CNTNAP5: variants seen among roughly 807,000 people sequenced by gnomAD.
The protein encoded by CNTNAP5 is contactin-associated protein-like 5.
Under a neutral mutation model 150.2 loss-of-function variants are expected in CNTNAP5, and 72 were observed. The ratio of observed to expected loss-of-function variants is 0.48; its 90% confidence interval spans 0.40 to 0.58. The LOEUF is 0.58. Ranked by LOEUF, CNTNAP5 falls within the 20% of genes least tolerant of loss-of-function variation. The pLI is 0.00. For missense variants in CNTNAP5, 1,636 were observed against 1,626.2 expected (o/e 1.01, Z -0.10); for synonymous variants, 672 against 619.8 (o/e 1.08, Z -1.25).
In CNTNAP5 at chr2:124,194,756, T is replaced by A. The variant is rs567827678; in HGVS notation, c.83-26949T>A. ...ATATTATAGGTAACATTACACATAA[T>A]GTAGTAACAATATATAATACAACTA... On this transcript the variant is annotated intron_variant, in intron 1 of 23. Coordinates refer to ENST00000682447, the MANE Select transcript of CNTNAP5 (RefSeq NM_001367498.1). 1.8e-3 allele frequency among the ~76,000 whole-genome samples: 273 copies of A among 151,296 alleles called. 1 individual carries two copies. Among genetic ancestry groups the A allele is most frequent in the African/African-American group, 6.4e-3 (267 of 41,426 alleles).
At chr2:124,735,762 T>G (rs1680368800) in intron 13 of CNTNAP5, among the ~76,000 whole-genome samples, 1 of 152,206 alleles carries the variant, frequency 6.6e-6, no homozygotes, top group African/African-American at 2.4e-5. Context: ...GGGAATTTGC[T>G]AATCCATTGT....
intron 1 of CNTNAP5, among the ~76,000 whole-genome samples, chr2:124,051,771 A>G (rs1028612086): frequency 1.3e-5 from 2 of 152,176 alleles, no homozygotes; most frequent in African/African-American, 4.8e-5. Context: ...GTCAAGTGAG[A>G]CATACAGTTT....
chr2:124,232,446 A>G (rs1212835993), intron 2 of CNTNAP5, among the ~76,000 whole-genome samples: 3 of 152,258 alleles, frequency 2.0e-5, no homozygotes, highest in African/African-American at 7.2e-5. Flanking sequence ...CATTGTGGAC[A>G]TGTCCTTAAA....
At chr2:124,554,349 G>T (rs964785784) in intron 10 of CNTNAP5, among the ~76,000 whole-genome samples, 3 of 151,184 alleles carry the variant, frequency 2.0e-5, no homozygotes, top group African/African-American at 7.3e-5. Context: ...TAACTTAAAT[G>T]AACTTCTTTC....
chr2:124,512,129 G>A (rs968325700), intron 8 of CNTNAP5, among the ~76,000 whole-genome samples: 22 of 151,716 alleles, frequency 1.5e-4, no homozygotes, highest in African/African-American at 3.9e-4. Context: ...CTGTGGGACC[G>A]GCTTTCTTAT....
intron 1 of CNTNAP5, among the ~76,000 whole-genome samples, chr2:124,108,076 A>C (rs983906010): frequency 4.6e-5 from 7 of 152,214 alleles, no homozygotes; most frequent in African/African-American, 1.7e-4. Flanking sequence ...TCAGATATGC[A>C]TTTGTCTCAG....
rs560331989 is a variant in CNTNAP5, at chr2:124,678,620, G to A, written c.2077+30662G>A. On this transcript the variant is annotated intron_variant, in intron 13 of 23. Transcript: ENST00000682447. ...GCTGACTGGCCCAAAAAGGATTCCC[G>A]AGGTGAGGGTAGAAAAGTGGGAACT... is the stretch of plus-strand genomic sequence containing the variant. 4.6e-5 allele frequency among the ~76,000 whole-genome samples: 7 copies of A among 151,858 alleles called. No homozygotes were observed. The East Asian group carries it at 7.8e-4, about 17-fold the overall frequency.
At chr2:124,709,885 T>C (rs1679770292) in intron 13 of CNTNAP5, among the ~76,000 whole-genome samples, 1 of 152,200 alleles carries the variant, frequency 6.6e-6, no homozygotes, top group Admixed American at 6.6e-5. Context: ...TTCAGCTAAC[T>C]TTTCTTAAGA....
chr2:124,138,130 C>T (rs567925740), intron 1 of CNTNAP5, among the ~76,000 whole-genome samples: 11 of 152,196 alleles, frequency 7.2e-5, no homozygotes, highest in East Asian at 3.9e-4. Context: ...CAGTTGAGGC[C>T]GACCTCCTCT....
chr2:124,648,756 A>T (rs1678258416), intron 13 of CNTNAP5, among the ~76,000 whole-genome samples: 1 of 152,214 alleles, frequency 6.6e-6, no homozygotes, highest in African/African-American at 2.4e-5. Context: ...CCTGGGAGTC[A>T]GTCATTTTTT....
At chr2:124,198,660 T>G (rs1685647867) in intron 1 of CNTNAP5, among the ~76,000 whole-genome samples, 1 of 152,200 alleles carries the variant, frequency 6.6e-6, no homozygotes, top group Non-Finnish European at 1.5e-5. Flanking sequence ...ATAGGGGAAT[T>G]AGTCCATTAT....
At chr2:124,590,102 C>T (rs189282712) in intron 11 of CNTNAP5, among the ~76,000 whole-genome samples, 36 of 152,180 alleles carry the variant, frequency 2.4e-4, no homozygotes, top group African/African-American at 8.2e-4. Flanking sequence ...CTTCTACCAA[C>T]GGATGATATA....
intron 6 of CNTNAP5, 37 bp downstream of exon 6, chr2:124,446,974 T>C (rs1187892525): frequency 1.3e-6 from 2 of 1,585,424 alleles, no homozygotes; most frequent in South Asian, 1.1e-5. Context: ...CCTCGGCCCC[T>C]TGCTTCAATG....
At chr2:124,075,943 G>A (rs534384188) in intron 1 of CNTNAP5, among the ~76,000 whole-genome samples, 1 of 152,222 alleles carries the variant, frequency 6.6e-6, no homozygotes, top group Non-Finnish European at 1.5e-5. Context: ...TACCTAAACT[G>A]TGATAAGTAA....
At chr2:124,622,119 G>A (rs928161742) in intron 12 of CNTNAP5, among the ~76,000 whole-genome samples, 18 of 140,648 alleles carry the variant, frequency 1.3e-4, no homozygotes, top group African/African-American at 2.8e-4. Context: ...TCCCACCCCC[G>A]AACCCCCACC....
chr2:124,232,994 C>G (rs1686661814), intron 2 of CNTNAP5, among the ~76,000 whole-genome samples: 1 of 149,880 alleles, frequency 6.7e-6, no homozygotes, highest in African/African-American at 2.4e-5. Context: ...CCCTATAATA[C>G]TTTATTAAGC....
At chr2:124,354,327 G>A (rs1689947400) in intron 3 of CNTNAP5, among the ~76,000 whole-genome samples, 1 of 152,104 alleles carries the variant, frequency 6.6e-6, no homozygotes, top group Non-Finnish European at 1.5e-5. Context: ...ACAGTGATTT[G>A]GGATCTTTAG....
intron 13 of CNTNAP5, among the ~76,000 whole-genome samples, chr2:124,716,991 G>A (rs76785598): frequency 0.04 from 6,092 of 151,996 alleles, 182 homozygotes; most frequent in Non-Finnish European, 0.05. Flanking sequence ...TAAATATCCC[G>A]GGTGCTTATC....
rs1678759912 is a variant in CNTNAP5, at chr2:124,915,955, T to C, written c.*1667T>C. 6.6e-6 allele frequency among the ~76,000 whole-genome samples: 1 copy of C among 152,076 alleles called. No individual in the cohort carries two copies. On this transcript the variant is annotated 3_prime_UTR_variant, in exon 24 of 24. Coordinates refer to ENST00000682447, the MANE Select transcript of CNTNAP5 (RefSeq NM_001367498.1). ...GAGGCAGATTCAATTTAGAAAACAATGACCACAGCTCTATTTGCCATCCTT... is the reference window on the plus strand; with the variant it reads ...GAGGCAGATTCAATTTAGAAAACAACGACCACAGCTCTATTTGCCATCCTT...
Sources: gnomAD v4.1 joint callset for allele counts (sites outside exome capture counted in the v4.1 genomes callset) on GRCh38, gnomAD v4.1.1 for gene constraint, MANE v1.5 for transcripts, NCBI Gene and HGNC (gene_info 2026-07-23, HGNC 2026-07-21) for gene names.